Variants in PTPRN2 observed in about 807,000 individuals in gnomAD.
PTPRN2 encodes protein tyrosine phosphatase receptor type N2.
PTPRN2 carries 74 observed loss-of-function variants against 118.8 expected under a neutral mutation model. The observed-to-expected ratio is 0.62, with a 90% CI of 0.52 to 0.76. The LOEUF is 0.76. PTPRN2 is among the 30% of genes least tolerant of loss of function. The pLI is 0.00. For synonymous variants in PTPRN2, 641 were observed against 608.0 expected, an observed-to-expected ratio of 1.05 and a Z score of -0.80; for missense variants, 1,481 against 1,394.4, an observed-to-expected ratio of 1.06 and a Z score of -0.99.
intron 12 of PTPRN2, among the ~76,000 whole-genome samples, chr7:157,686,518 G>A (rs1347363243): frequency 2.0e-5 from 3 of 152,188 alleles, no homozygotes; most frequent in Non-Finnish European, 4.4e-5. Flanking sequence ...CCCAGGTGTG[G>A]CTTTGGTGGT....
chr7:158,279,194 G>T (rs1367719951), intron 3 of PTPRN2, among the ~76,000 whole-genome samples: 1 of 152,202 alleles, frequency 6.6e-6, no homozygotes, highest in African/African-American at 2.4e-5. Flanking sequence ...TTTACAGAGA[G>T]TTGATTGGTC....
intron 12 of PTPRN2, among the ~76,000 whole-genome samples, chr7:157,758,637 G>C (rs893099619): frequency 1.1e-4 from 16 of 152,228 alleles, no homozygotes; most frequent in Non-Finnish European, 2.4e-4. Context: ...CCTGGAGGAC[G>C]GGACTGGCAT....
chr7:158,555,836 TC>T lies in PTPRN2; in HGVS notation c.112+31721del, dbSNP rs1430547834. Among the ~76,000 whole-genome samples, 3 of 150,724 alleles carry T rather than the reference TC, an allele frequency of 2.0e-5. No homozygotes were observed. The highest frequency in any genetic ancestry group is 7.3e-5 in the African/African-American group (3 of 40,874). ...GCAAGCTCAGGATGATGAAGACACA[TC>T]CTATCTTCGAGGACCCAGCTCGCAG... On this transcript the variant is annotated intron_variant, in intron 1 of 22. Transcript: ENST00000389418. The surrounding 1 kb of genome is among the most constrained non-coding windows in gnomAD (Gnocchi z 4.7).
intron 11 of PTPRN2, among the ~76,000 whole-genome samples, chr7:157,920,458 T>C (rs1157683509): frequency 6.6e-6 from 1 of 152,150 alleles, no homozygotes; most frequent in Non-Finnish European, 1.5e-5. Context: ...CAGCAAAGGC[T>C]CTGAGCCTAC....
At position 158,563,356 on chromosome 7, in the gene PTPRN2, G is replaced by A. The variant is rs376959908; in HGVS notation, c.112+24202C>T. Among the ~76,000 whole-genome samples, 6 of 152,312 alleles carry A rather than the reference G, an allele frequency of 3.9e-5. No homozygotes were observed. The highest frequency in any genetic ancestry group is 7.2e-5 in the African/African-American group (3 of 41,578). On this transcript the variant is annotated intron_variant, in intron 1 of 22. Coordinates refer to ENST00000389418, the MANE Select transcript of PTPRN2 (RefSeq NM_002847.5). This position sits in a 1 kb window ranked among gnomAD's most constrained non-coding sequence, Gnocchi z 5.1. ...CCCAAGTGGAACGCAGATACGGCACGTCAGTGAGAACAAAAGCATCACAAA... is the reference window on the plus strand; with the variant it reads ...CCCAAGTGGAACGCAGATACGGCACATCAGTGAGAACAAAAGCATCACAAA...
intron 2 of PTPRN2, among the ~76,000 whole-genome samples, chr7:158,331,095 C>G (rs1206844150): frequency 8.9e-6 from 1 of 111,940 alleles, no homozygotes; most frequent in African/African-American, 3.4e-5. Context: ...AGCTGATGCC[C>G]GCAGACGTCA....
intron 16 of PTPRN2, among the ~76,000 whole-genome samples, chr7:157,601,768 C>A (rs1184794043): frequency 6.6e-6 from 1 of 152,252 alleles, no homozygotes; most frequent in Non-Finnish European, 1.5e-5. Flanking sequence ...GTGGGCCCAG[C>A]TGCAACGCTG....
chr7:157,562,001 G>A (rs575657915), intron 21 of PTPRN2, among the ~76,000 whole-genome samples: 1 of 152,356 alleles, frequency 6.6e-6, no homozygotes, highest in East Asian at 1.9e-4. Context: ...GGACCAGTGG[G>A]ACTCCAGAGA....
chr7:157,719,880 A>C (rs140716195), intron 12 of PTPRN2, among the ~76,000 whole-genome samples: 1 of 152,376 alleles, frequency 6.6e-6, no homozygotes, highest in East Asian at 1.9e-4. Flanking sequence ...CATGTTCATT[A>C]ATTAATTTCT....
chr7:158,076,273 G>A (rs1480536008), intron 11 of PTPRN2, among the ~76,000 whole-genome samples: 2 of 152,190 alleles, frequency 1.3e-5, no homozygotes, highest in Non-Finnish European at 2.9e-5. Context: ...TGGGCTTCGG[G>A]CCCCACCAGT....
intron 1 of PTPRN2, among the ~76,000 whole-genome samples, chr7:158,501,120 T>C (rs1368073280): frequency 6.6e-6 from 1 of 152,280 alleles, no homozygotes; most frequent in Non-Finnish European, 1.5e-5. Flanking sequence ...TCTATTTTCA[T>C]TATGTTAAAG....
chr7:158,568,467 A>T (rs1168404367), intron 1 of PTPRN2, among the ~76,000 whole-genome samples: 1 of 152,128 alleles, frequency 6.6e-6, no homozygotes, highest in Non-Finnish European at 1.5e-5. Context: ...AGAAAAAAAA[A>T]AAACAGCTTT....
At chr7:158,233,286 C>G (rs1195476920) in intron 3 of PTPRN2, among the ~76,000 whole-genome samples, 1 of 152,008 alleles carries the variant, frequency 6.6e-6, no homozygotes, top group Non-Finnish European at 1.5e-5. Flanking sequence ...AGCAAACAAT[C>G]TAAAAAACAA....
chr7:157,957,788 T>C (rs906239418), intron 11 of PTPRN2, among the ~76,000 whole-genome samples: 4 of 152,114 alleles, frequency 2.6e-5, no homozygotes, highest in Admixed American at 6.6e-5. Flanking sequence ...CAGTCACTGG[T>C]TTGATGGATA....
chr7:157,910,224 G>A lies in PTPRN2; in HGVS notation c.1724-11487C>T, dbSNP rs113152136. On this transcript the variant is annotated intron_variant, in intron 11 of 22. Transcript: ENST00000389418. Reference sequence around the variant, plus strand: ...GTGCAGGATCACGCACGTACACCGTGGGAACGGGCGCAGGATCACGCACGT... The same window carrying A: ...GTGCAGGATCACGCACGTACACCGTAGGAACGGGCGCAGGATCACGCACGT... 3.7e-3 allele frequency among the ~76,000 whole-genome samples: 548 copies of A among 148,840 alleles called. 2 individuals are homozygous for A. The highest frequency in any genetic ancestry group is 0.013 in the African/African-American group (508 of 40,350).
intron 2 of PTPRN2, among the ~76,000 whole-genome samples, chr7:158,405,007 G>A (rs1466960909): frequency 8.6e-5 from 11 of 128,328 alleles, no homozygotes; most frequent in African/African-American, 2.8e-4. Flanking sequence ...CCAGCTCCTC[G>A]GCCTCAGCTC....
intron 14 of PTPRN2, among the ~76,000 whole-genome samples, chr7:157,648,611 G>C (rs1195825426): frequency 2.4e-5 from 3 of 123,352 alleles, no homozygotes; most frequent in African/African-American, 3.0e-5. Context: ...GACCCATCCA[G>C]CGTGCACTGA....
At chr7:158,527,294 G>C (rs965486811) in intron 1 of PTPRN2, among the ~76,000 whole-genome samples, 1 of 146,022 alleles carries the variant, frequency 6.8e-6, no homozygotes, top group Non-Finnish European at 1.5e-5. Context: ...CCCTGACCCC[G>C]GCCATGCCCC....
intron 2 of PTPRN2, among the ~76,000 whole-genome samples, chr7:158,376,386 AG>A (rs1242543197): frequency 1.2e-3 from 157 of 132,416 alleles, no homozygotes; most frequent in Non-Finnish European, 1.8e-3. Flanking sequence ...ACGTCCTGCG[AG>A]GGGGGGTCAG....
Sources: gnomAD v4.1 joint callset for allele counts (sites outside exome capture counted in the v4.1 genomes callset) on GRCh38, gnomAD v4.1.1 for gene constraint, Gnocchi (gnomAD v3.1) non-coding constraint, MANE v1.5 for transcripts, NCBI Gene and HGNC (gene_info 2026-07-23, HGNC 2026-07-21) for gene names.